The following EMSY variants were observed in gnomAD, a reference collection of about 807,000 sequenced individuals.
EMSY encodes the protein EMSY transcriptional repressor, BRCA2 interacting, also known as BRCA2-interacting transcriptional repressor EMSY.
In EMSY, 26 loss-of-function variants were observed where a neutral mutation model predicts 134.6. The ratio of observed to expected loss-of-function variants is 0.19; its 90% CI spans 0.14 to 0.27. The LOEUF is 0.27. Among genes scored for constraint, EMSY ranks in the 10% least tolerant of loss-of-function variants. EMSY has a pLI of 1.00. For missense variants in EMSY, 1,305 were observed against 1,611.4 expected (o/e 0.81, Z 3.26); for synonymous variants, 579 against 577.8 (o/e 1.00, Z -0.03).
chr11:76,513,297 ATGTG>A (rs1162890985), intron 9 of EMSY, 85 bp from the exon 11 acceptor site: 8 of 1,255,014 alleles, frequency 6.4e-6, no homozygotes, highest in Non-Finnish European at 8.6e-6. Context: ...GACTGAGTAA[ATGTG>A]TGTGACTACT....
chr11:76,549,743 A>G (rs932037087), intron 20 of EMSY, among the ~76,000 whole-genome samples: 1 of 152,164 alleles, frequency 6.6e-6, no homozygotes, highest in African/African-American at 2.4e-5. Context: ...TAATTTTCTT[A>G]TAGTGTTGTC....
At chr11:76,507,480 T>C (rs1036738502) in intron 9 of EMSY, among the ~76,000 whole-genome samples, 1 of 152,176 alleles carries the variant, frequency 6.6e-6, no homozygotes, top group Non-Finnish European at 1.5e-5. Context: ...TATATAATAC[T>C]CCAAATTGCT....
chr11:76,463,520 G>T (rs903930570), intron 6 of EMSY, among the ~76,000 whole-genome samples: 7 of 152,106 alleles, frequency 4.6e-5, no homozygotes, highest in African/African-American at 1.7e-4. Context: ...CTACTCGGGA[G>T]GCTGAGGCAG....
intron 2 of EMSY, among the ~76,000 whole-genome samples, chr11:76,449,305 T>A (rs1008537912): frequency 2.6e-5 from 4 of 152,124 alleles, no homozygotes; most frequent in African/African-American, 9.7e-5. Flanking sequence ...AATGAGTGAA[T>A]TTCTTGTGAA....
At chr11:76,454,980 G>A (rs1947811936) in intron 4 of EMSY, among the ~76,000 whole-genome samples, 190 bp downstream of exon 5, 1 of 152,008 alleles carries the variant, frequency 6.6e-6, no homozygotes, top group South Asian at 2.1e-4. Flanking sequence ...AGTACCTCTA[G>A]TCAGAGGGTG....
chr11:76,494,669 TCC>T, intron 8 of EMSY, among the ~76,000 whole-genome samples: 8 of 11,720 alleles, frequency 6.8e-4, no homozygotes, highest in Admixed American at 2.2e-3. Context: ...CTTCCTTCCT[TCC>T]TTCCTTCCTT....
chr11:76,492,003 G>A (rs1437012910), intron 8 of EMSY, among the ~76,000 whole-genome samples: 1 of 152,212 alleles, frequency 6.6e-6, no homozygotes, highest in African/African-American at 2.4e-5. Flanking sequence ...TCATTTGATT[G>A]TCTTCTCTGA....
intron 8 of EMSY, among the ~76,000 whole-genome samples, chr11:76,487,526 G>A (rs1949237210): frequency 6.6e-6 from 1 of 152,194 alleles, no homozygotes; most frequent in East Asian, 1.9e-4. Flanking sequence ...AGATACTTAT[G>A]TGTAAGTAAG....
intron 8 of EMSY, among the ~76,000 whole-genome samples, chr11:76,490,727 G>A (rs74750726): frequency 0.017 from 2,551 of 152,212 alleles, 45 homozygotes; most frequent in East Asian, 0.093. Context: ...AGGTGTACCA[G>A]GTTCATCTTA....
At chr11:76,518,399 T>C (rs1401319921) in intron 11 of EMSY, among the ~76,000 whole-genome samples, 3 of 151,388 alleles carry the variant, frequency 2.0e-5, no homozygotes, top group African/African-American at 7.3e-5. Flanking sequence ...AACTCCTGAG[T>C]TGAAGCGATC....
intron 8 of EMSY, among the ~76,000 whole-genome samples, chr11:76,494,111 A>C (rs901480019): frequency 6.6e-6 from 1 of 152,262 alleles, no homozygotes; most frequent in Non-Finnish European, 1.5e-5. Flanking sequence ...CATCTCTGCC[A>C]GTGCCTGGAG....
intron 8 of EMSY, among the ~76,000 whole-genome samples, chr11:76,491,177 CT>C (rs61688457): frequency 0.28 from 36,906 of 129,760 alleles, 5,086 homozygotes; most frequent in Non-Finnish European, 0.31. Flanking sequence ...CTTCTTTTTT[CT>C]TTTTTTTTTT....
chr11:76,544,211 G>A, intron 18 of EMSY, 48 bp from the exon 20 acceptor site: 1 of 1,509,734 alleles, frequency 6.6e-7, no homozygotes. Context: ...ATGTAGCAAT[G>A]TAGATGTTTT....
At chr11:76,499,691 T>TTTC (rs1187069977) in intron 9 of EMSY, among the ~76,000 whole-genome samples, 1 of 152,170 alleles carries the variant, frequency 6.6e-6, no homozygotes, top group Non-Finnish European at 1.5e-5. Context: ...GTTTCTTTTG[T>TTTC]TTCTTGTTTC....
intron 4 of EMSY, 85 bp from the exon 5 acceptor site, chr11:76,454,664 G>A (rs1176665649): frequency 8.2e-6 from 7 of 849,070 alleles, no homozygotes; most frequent in South Asian, 1.8e-5. Context: ...GTATTGTGGG[G>A]CAACTAGTTG....
chr11:76,524,956 G>A (rs1359206642), intron 12 of EMSY, among the ~76,000 whole-genome samples: 1 of 152,196 alleles, frequency 6.6e-6, no homozygotes, highest in African/African-American at 2.4e-5. Context: ...GGCAGAGGTT[G>A]CAGTGAGCTG....
chr11:76,505,199 T>C (rs2135977410), intron 9 of EMSY, among the ~76,000 whole-genome samples: 1 of 152,166 alleles, frequency 6.6e-6, no homozygotes, highest in Non-Finnish European at 1.5e-5. Flanking sequence ...GAAAAGAAAA[T>C]TCGGCCGGGA....
chr11:76,518,684 C>CATATATATATATATATATATAT (rs796392038), intron 11 of EMSY, among the ~76,000 whole-genome samples: 15 of 121,624 alleles, frequency 1.2e-4, no homozygotes, highest in African/African-American at 2.4e-4. Flanking sequence ...TGTGTGCGCG[C>CATATATATATATATATATATAT]ATATATATAT....
At chr11:76,509,458 A>C (rs892188941) in intron 9 of EMSY, among the ~76,000 whole-genome samples, 8 of 152,362 alleles carry the variant, frequency 5.3e-5, no homozygotes, top group Admixed American at 1.3e-4. Flanking sequence ...GCACCACTGC[A>C]CTCCAGCCTG....
Sources: allele counts gnomAD v4.1 joint callset (sites outside exome capture counted in the v4.1 genomes callset), GRCh38; gene constraint gnomAD v4.1.1; transcripts MANE v1.5; gene names NCBI Gene and HGNC (gene_info 2026-07-23, HGNC 2026-07-21).